DNAJC1: variants seen among roughly 807,000 people sequenced by gnomAD.
The protein encoded by DNAJC1 is DnaJ heat shock protein family (Hsp40) member C1.
In DNAJC1, 58 loss-of-function variants were observed where a neutral mutation model predicts 76.6. The observed-to-expected ratio is 0.76, with a 90% confidence interval of 0.61 to 0.94. The LOEUF is 0.94. Among genes scored for constraint, DNAJC1 ranks in the 40% least tolerant of loss-of-function variants. The probability of loss-of-function intolerance (pLI) is 0.00; values close to 1 mark genes in which losing one functional copy is unlikely to be tolerated. For missense variants in DNAJC1, 689 were observed against 677.3 expected, an observed-to-expected ratio of 1.02 and a Z score of -0.19; for synonymous variants, 258 against 267.9, an observed-to-expected ratio of 0.96 and a Z score of 0.36.
rs55880711 is a variant in DNAJC1 at position 21,826,963 on chromosome 10, GT to G, written c.979-20865del. The stretch of plus-strand genomic sequence containing the variant: ...GTTCTCCAACTCTGTTCTTGTTCAA[GT>G]TTTTTTTTTTTTCCTTTTGGATCCC... On this transcript the variant is annotated intron_variant, in intron 8 of 11. Coordinates refer to ENST00000376980, the MANE Select transcript of DNAJC1 (RefSeq NM_022365.4). 5.0e-4 allele frequency among the ~76,000 whole-genome samples: 73 copies of G among 145,146 alleles called. 1 individual carries two copies. The highest frequency in any genetic ancestry group is 1.3e-3 in the South Asian group (6 of 4,534).
intron 1 of DNAJC1, among the ~76,000 whole-genome samples, chr10:21,949,414 T>C (rs1403822887): frequency 6.2e-4 from 68 of 109,068 alleles, no homozygotes; most frequent in Admixed American, 1.3e-3. Flanking sequence ...CCTTCTTCTT[T>C]TTTTTTTTTT....
intron 1 of DNAJC1, among the ~76,000 whole-genome samples, chr10:21,958,530 C>T (rs566724304): frequency 1.3e-5 from 2 of 151,902 alleles, no homozygotes; most frequent in Admixed American, 6.6e-5. Flanking sequence ...TGGGCTCAAG[C>T]GATTCTCCTT....
At chr10:21,910,064 A>G (rs1248129029) in intron 6 of DNAJC1, among the ~76,000 whole-genome samples, 1 of 152,158 alleles carries the variant, frequency 6.6e-6, no homozygotes, top group East Asian at 1.9e-4. Flanking sequence ...TGAAGATACA[A>G]TATTTCCAAG....
chr10:21,781,687 C>T lies in DNAJC1; in HGVS notation c.1099-15378G>A, dbSNP rs575028263. 2.3e-3 allele frequency among the ~76,000 whole-genome samples: 325 copies of T among 143,216 alleles called. 2 individuals carry two copies. Among genetic ancestry groups the T allele is most frequent in the African/African-American group, 8.1e-3 (309 of 37,982 alleles). 94.0% of individuals were successfully genotyped at this position (143,216 alleles called of 152,430 possible). A position where few individuals can be genotyped will look rare whatever the true frequency, so the allele number is the denominator to read the frequency against. On this transcript the variant is annotated intron_variant, in intron 9 of 11. Transcript: ENST00000376980. The stretch of plus-strand genomic sequence containing the variant: ...AGTGAGCCGAGATCGTGCCACTGCA[C>T]TCCAGCCTGGGTGACAGAGTGCGAC...
At chr10:21,793,760 G>A (rs1034587366) in intron 9 of DNAJC1, among the ~76,000 whole-genome samples, 66 of 151,980 alleles carry the variant, frequency 4.3e-4, no homozygotes, top group Non-Finnish European at 5.1e-4. Flanking sequence ...AGCCTGGGGG[G>A]AACATAGTGA....
At chr10:21,837,788 G>A (rs1472130317) in intron 8 of DNAJC1, among the ~76,000 whole-genome samples, 4 of 146,754 alleles carry the variant, frequency 2.7e-5, no homozygotes, top group African/African-American at 5.1e-5. Flanking sequence ...GTAGGGGGCA[G>A]CCCCCGCCCG....
At chr10:21,813,175 CCT>C (rs532971786) in intron 8 of DNAJC1, among the ~76,000 whole-genome samples, 799 of 28,144 alleles carry the variant, frequency 0.028, 8 homozygotes, top group Middle Eastern at 0.036. Flanking sequence ...TCTCTCTCTC[CCT>C]CTCTCTCTCT....
chr10:21,887,145 G>A (rs12570400), intron 7 of DNAJC1, among the ~76,000 whole-genome samples: 11,035 of 151,914 alleles, frequency 0.073, 544 homozygotes, highest in South Asian at 0.12. Context: ...CACAACTGCC[G>A]CAAAAAGAAT....
intron 1 of DNAJC1, among the ~76,000 whole-genome samples, chr10:21,949,247 T>G (rs1162132027): frequency 6.6e-6 from 1 of 152,018 alleles, no homozygotes; most frequent in African/African-American, 2.4e-5. Context: ...GTTGAAATAA[T>G]TTTTGGATAT....
At chr10:21,918,622 T>C (rs1164391865) in intron 6 of DNAJC1, among the ~76,000 whole-genome samples, 157 bp downstream of exon 6, 8 of 152,000 alleles carry the variant, frequency 5.3e-5, no homozygotes, top group Non-Finnish European at 1.2e-4. Flanking sequence ...TATCTTAGAA[T>C]TATCTAAATT....
At chr10:21,863,479 A>T (rs532151666) in intron 8 of DNAJC1, among the ~76,000 whole-genome samples, 2 of 152,242 alleles carry the variant, frequency 1.3e-5, no homozygotes, top group Admixed American at 6.5e-5. Flanking sequence ...AGAGGAGGGA[A>T]CATTTCCCAA....
intron 7 of DNAJC1, among the ~76,000 whole-genome samples, chr10:21,890,006 C>A (rs1360858984): frequency 6.6e-6 from 1 of 152,158 alleles, no homozygotes; most frequent in East Asian, 1.9e-4. Context: ...AAAGGTAAGG[C>A]GGATCCTTCT....
At chr10:21,905,484 T>C (rs1298234013) in intron 6 of DNAJC1, among the ~76,000 whole-genome samples, 2 of 152,172 alleles carry the variant, frequency 1.3e-5, no homozygotes, top group African/African-American at 2.4e-5. Flanking sequence ...GGCTACAATA[T>C]TGTACTTCCC....
intron 1 of DNAJC1, among the ~76,000 whole-genome samples, chr10:21,971,375 G>A (rs558227633): frequency 6.6e-6 from 1 of 151,832 alleles, no homozygotes; most frequent in African/African-American, 2.4e-5. Context: ...ACCTTTAGAA[G>A]TTAAAATCAT....
chr10:21,979,720 T>A (rs1838121717), intron 1 of DNAJC1, among the ~76,000 whole-genome samples: 1 of 151,884 alleles, frequency 6.6e-6, no homozygotes, highest in Admixed American at 6.6e-5. Context: ...TTCTTTTTTT[T>A]TTTTTCACCA....
intron 7 of DNAJC1, among the ~76,000 whole-genome samples, chr10:21,903,778 G>T (rs1450050643): frequency 6.6e-6 from 1 of 152,038 alleles, no homozygotes; most frequent in Admixed American, 6.6e-5. Context: ...AACAGATAAA[G>T]TCCTTACCCT....
chr10:21,929,040 T>G lies in DNAJC1; in HGVS notation c.324A>C (p.Gln108His). 6.3e-7 allele frequency: 1 copy of G among 1,583,514 alleles called. No individual in the cohort carries two copies. Among genetic ancestry groups the G allele is most frequent in the Non-Finnish European group, 8.6e-7 (1 of 1,158,066 alleles). ...KDENAETQFRQLVAIYEVLKD... is the reference protein window; with the variant it reads ...KDENAETQFRHLVAIYEVLKD... ...ATATATAATAGCATATTTCACTTACTTGTCTAAACTGAGTTTCTGCATTTT... is the reference window on the plus strand; with the variant it reads ...ATATATAATAGCATATTTCACTTACGTGTCTAAACTGAGTTTCTGCATTTT... Residue 108 changes from glutamine (Q) to histidine (H), a missense_variant and splice_region_variant, in exon 2 of 12, where the codon CAA (glutamine) becomes CAC (histidine). Transcript: ENST00000376980.
intron 8 of DNAJC1, among the ~76,000 whole-genome samples, chr10:21,874,021 A>C (rs572019631): frequency 6.6e-6 from 1 of 152,384 alleles, no homozygotes; most frequent in East Asian, 1.9e-4. Flanking sequence ...TGTTCACAGC[A>C]GCTGTAACAT....
chr10:21,905,351 G>A (rs565871436), intron 6 of DNAJC1, among the ~76,000 whole-genome samples: 1 of 151,366 alleles, frequency 6.6e-6, no homozygotes, highest in African/African-American at 2.4e-5. Context: ...ATGAAAATAA[G>A]CAAAACAGAT....
Sources: gnomAD v4.1 joint callset for allele counts (sites outside exome capture counted in the v4.1 genomes callset) on GRCh38, gnomAD v4.1.1 for gene constraint, MANE v1.5 for transcripts, NCBI Gene and HGNC (gene_info 2026-07-23, HGNC 2026-07-21) for gene names.